RTCB: variants seen among roughly 807,000 people sequenced by gnomAD.
The protein encoded by RTCB is RNA 2',3'-cyclic phosphate and 5'-OH ligase, also known as RNA-splicing ligase RTCB.
Under a neutral mutation model 58.2 loss-of-function variants are expected in RTCB, and 32 were observed. The observed-to-expected ratio is 0.55, with a 90% CI of 0.41 to 0.74. RTCB has a LOEUF of 0.74. Among genes scored for constraint, RTCB ranks in the 30% least tolerant of loss-of-function variants. The pLI is 0.00. For missense variants in RTCB, 523 were observed against 639.0 expected (o/e 0.82, Z 1.96); for synonymous variants, 247 against 218.6 (o/e 1.13, Z -1.15).
Position 32,412,186 on chromosome 22 carries a change from G to C in RTCB, c.-30C>G, listed in dbSNP as rs771960321. On this transcript the variant is annotated 5_prime_UTR_variant, in exon 1 of 12. Transcript: ENST00000216038. ...GCGAAAACTGTAGCAAAAACTCCCG[G>C]CTCCGCTTTGAAGAGCCGCTGCCGC... 3.2e-6 allele frequency: 5 copies of C among 1,550,270 alleles called. No homozygotes were observed. The highest frequency in any genetic ancestry group is 2.3e-5 in the South Asian group (2 of 85,638).
At chr22:32,397,133 GC>G (rs1933258580) in intron 7 of RTCB, among the ~76,000 whole-genome samples, 1 of 150,570 alleles carries the variant, frequency 6.6e-6, no homozygotes, top group Admixed American at 6.6e-5. Flanking sequence ...GAAGCAAGAA[GC>G]CCCTGACTCC....
chr22:32,408,176 T>C lies in RTCB; in HGVS notation c.239A>G (p.His80Arg). ...TTAAAGTTCTGAACTCTGACTCACA[T>C]GAACAATTCCAGGCAGGGCTGCCAC... ...GNVAALPGIV[H>R]RSIGLPDVHS... The change falls in exon 3 of 12, where the codon CAT becomes CGT. Residue 80 changes from histidine to arginine, a missense_variant and splice_region_variant. This residue lies in a region of RTCB where 134 missense variants were observed against 129.9 expected (regional missense o/e 1.03). Transcript: ENST00000216038. The C allele has an allele frequency of 6.2e-7, 1 of 1,613,992 alleles. No homozygotes were observed.
intron 1 of RTCB, among the ~76,000 whole-genome samples, chr22:32,410,722 C>CTT (rs5844994): frequency 1.4e-4 from 19 of 140,408 alleles, no homozygotes; most frequent in East Asian, 6.4e-4. Flanking sequence ...TTTTTCTTTT[C>CTT]TTTTTTTTTT....
Position 32,408,901 on chromosome 22 carries a change from T to C in RTCB, c.94-68A>G, listed in dbSNP as rs535519612. The C allele has an allele frequency of 2.0e-3, 2,089 of 1,030,910 alleles. 42 individuals carry two copies. The highest frequency in any genetic ancestry group is 0.02 in the South Asian group (1,577 of 77,906). 63.9% of individuals were successfully genotyped at this position (1,030,910 alleles called of 1,614,324 possible). A position where few individuals can be genotyped will look rare whatever the true frequency, so the allele number is the denominator to read the frequency against. On this transcript the variant is annotated intron_variant, in intron 1 of 11. Coordinates refer to ENST00000216038, the MANE Select transcript of RTCB (RefSeq NM_014306.5). ...CGGCAAGTGTAGGCACTGGACAGAA[T>C]GCACTGTATGCAATATTTACTGTGC...
rs5998474 is a variant in RTCB, at chr22:32,402,356, C to T, written c.341-453G>A. ...GTGCTTTCTAGGGTCACTGATATTC[C>T]AGCCTTTCTTCTTTCCCAATTTGTG... On this transcript the variant is annotated intron_variant, in intron 4 of 11. Coordinates refer to ENST00000216038, the MANE Select transcript of RTCB (RefSeq NM_014306.5). 7.2e-5 allele frequency among the ~76,000 whole-genome samples: 11 copies of T among 152,258 alleles called. 1 individual carries two copies. The highest frequency in any genetic ancestry group is 2.6e-4 in the African/African-American group (11 of 41,534).
At chr22:32,389,212 A>G (rs1281033654) in intron 11 of RTCB, among the ~76,000 whole-genome samples, 6 of 152,140 alleles carry the variant, frequency 3.9e-5, no homozygotes, top group Non-Finnish European at 8.8e-5. Flanking sequence ...AATCAGATGA[A>G]ATTCCACTGG....
At chr22:32,406,611 G>A (rs765205566) in intron 4 of RTCB, 51 bp downstream of exon 4, 12 of 1,315,526 alleles carry the variant, frequency 9.1e-6, no homozygotes, top group South Asian at 7.1e-5. Flanking sequence ...GTGAGCCACC[G>A]TGCCCGGCCA....
intron 11 of RTCB, among the ~76,000 whole-genome samples, chr22:32,391,395 ATTTTTT>A (rs200157911): frequency 7.1e-6 from 1 of 141,814 alleles, no homozygotes; most frequent in Non-Finnish European, 1.5e-5. Context: ...CAATAAGTAA[ATTTTTT>A]TTTTTTTTTT....
intron 10 of RTCB, among the ~76,000 whole-genome samples, chr22:32,393,551 C>T (rs994753742): frequency 4.6e-5 from 7 of 152,170 alleles, no homozygotes; most frequent in African/African-American, 1.2e-4. Context: ...TCCAGTCAGT[C>T]GCTGAGATCA....
At chr22:32,394,953 A>T in intron 9 of RTCB, 73 bp downstream of exon 9, 1 of 1,325,658 alleles carries the variant, frequency 7.5e-7, no homozygotes, top group Non-Finnish European at 1.1e-6. Flanking sequence ...TTTTCGTTTT[A>T]AATGTAATTC....
chr22:32,397,159 CTTT>C (rs1933259182), intron 7 of RTCB, among the ~76,000 whole-genome samples: 1 of 152,180 alleles, frequency 6.6e-6, no homozygotes, highest in Non-Finnish European at 1.5e-5. Context: ...TTAAAAGTTT[CTTT>C]TGTTTTTTGT....
Position 32,387,860 on chromosome 22 carries a change from T to G in RTCB, c.*132A>C. 1.7e-6 allele frequency: 1 copy of G among 580,990 alleles called. No homozygotes were observed. Among genetic ancestry groups the G allele is most frequent in the Non-Finnish European group, 3.1e-6 (1 of 321,210 alleles). 36.0% of individuals were successfully genotyped at this position (580,990 alleles called of 1,614,324 possible). A position where few individuals can be genotyped will look rare whatever the true frequency, so the allele number is the denominator to read the frequency against. ...AAAGCAGCAGCCTCCCCATCAGCCATTTTGGCGTGAGCAGTTACAGCTGCA... is the reference window on the plus strand; with the variant it reads ...AAAGCAGCAGCCTCCCCATCAGCCAGTTTGGCGTGAGCAGTTACAGCTGCA... On this transcript the variant is annotated 3_prime_UTR_variant, in exon 12 of 12. Transcript: ENST00000216038.
Position 32,393,005 on chromosome 22 carries a change from T to C in RTCB, c.1291-646A>G, listed in dbSNP as rs543377254. 1.1e-4 allele frequency among the ~76,000 whole-genome samples: 17 copies of C among 152,320 alleles called. No homozygotes were observed. The South Asian group carries it at 2.1e-3, about 19-fold the overall frequency. On this transcript the variant is annotated intron_variant, in intron 10 of 11. Transcript: ENST00000216038. Reference sequence around the variant, plus strand: ...AGACTGGAGTGAAGTGACATAATCATAGCTCACTGCAGCCTTAATCTCCTG... The same window carrying C: ...AGACTGGAGTGAAGTGACATAATCACAGCTCACTGCAGCCTTAATCTCCTG...
At chr22:32,408,049 G>C (rs1933457593) in intron 3 of RTCB, 126 bp downstream of exon 3, 2 of 836,366 alleles carry the variant, frequency 2.4e-6, no homozygotes, top group Non-Finnish European at 3.8e-6. Flanking sequence ...ACTGAGCCTG[G>C]CTTCATGGTT....
intron 1 of RTCB, among the ~76,000 whole-genome samples, chr22:32,410,105 C>T (rs978246016): frequency 1.8e-4 from 27 of 152,124 alleles, no homozygotes; most frequent in African/African-American, 6.0e-4. Flanking sequence ...CGTGAGCCAC[C>T]GCACCCAGCC....
chr22:32,410,295 C>T (rs1456870990), intron 1 of RTCB, among the ~76,000 whole-genome samples: 4 of 151,924 alleles, frequency 2.6e-5, no homozygotes, highest in Non-Finnish European at 4.4e-5. Flanking sequence ...ACATCACTGG[C>T]GCAGCAGAAC....
chr22:32,409,201 T>TAA (rs10640693), intron 1 of RTCB, among the ~76,000 whole-genome samples: 18,332 of 149,350 alleles, frequency 0.12, 1,701 homozygotes, highest in East Asian at 0.45. Flanking sequence ...TTTTGAAAAT[T>TAA]AAAAAAAAAA....
At chr22:32,407,533 T>TA (rs1933447727) in intron 3 of RTCB, 1 of 152,434 alleles carries the variant, frequency 6.6e-6, no homozygotes, top group African/African-American at 2.4e-5. Flanking sequence ...AAGTGAAACT[T>TA]ACAACCAAGC....
chr22:32,405,501 T>A (rs373593615), intron 4 of RTCB, among the ~76,000 whole-genome samples: 1 of 152,180 alleles, frequency 6.6e-6, no homozygotes, highest in Non-Finnish European at 1.5e-5. Context: ...CAACCACACA[T>A]GTATATTAGA....
Sources: allele counts gnomAD v4.1 joint callset (sites outside exome capture counted in the v4.1 genomes callset), GRCh38; gene constraint gnomAD v4.1.1; regional missense constraint gnomAD v4.1.1; transcripts MANE v1.5; gene names NCBI Gene and HGNC (gene_info 2026-07-23, HGNC 2026-07-21).